The following SCFD1 variants were observed in gnomAD, a reference collection of about 807,000 sequenced individuals.
SCFD1 encodes the protein sec1 family domain-containing protein 1.
Under a neutral mutation model 103.2 loss-of-function variants are expected in SCFD1, and 37 were observed. That is an observed-to-expected ratio of 0.36 (90% confidence interval 0.28 to 0.47). SCFD1 has a LOEUF of 0.47. Among genes scored for constraint, SCFD1 ranks in the 20% least tolerant of loss-of-function variants. SCFD1 has a pLI of 1.00. For synonymous variants in SCFD1, 264 were observed against 245.0 expected (o/e 1.08, Z -0.73); for missense variants, 639 against 761.2 (o/e 0.84, Z 1.89).
chr14:30,629,970 G>C lies in SCFD1; in HGVS notation c.133-507G>C, dbSNP rs564081268. Among the ~76,000 whole-genome samples the C allele has an allele frequency of 1.2e-3, 184 of 152,016 alleles. 1 individual carries two copies. Among genetic ancestry groups the C allele is most frequent in the African/African-American group, 4.3e-3 (177 of 41,438 alleles). On this transcript the variant is annotated intron_variant, in intron 2 of 24. Transcript: ENST00000458591. ...TGGTCCTGGAACTTGTTATATATTA[G>C]TTTTGAAAATGGCTAATTTTTACAT...
At chr14:30,683,982 T>C (rs1452521812) in intron 14 of SCFD1, among the ~76,000 whole-genome samples, 1 of 152,182 alleles carries the variant, frequency 6.6e-6, no homozygotes, top group Non-Finnish European at 1.5e-5. Flanking sequence ...ATGGGAATTA[T>C]CGCTAGCAGC....
intron 14 of SCFD1, among the ~76,000 whole-genome samples, chr14:30,681,613 A>T (rs141202889): frequency 0.014 from 2,173 of 151,294 alleles, 71 homozygotes; most frequent in Middle Eastern, 0.062. Flanking sequence ...CTCAATAGTT[A>T]TAATGTTAAT....
intron 9 of SCFD1, among the ~76,000 whole-genome samples, chr14:30,651,786 G>A (rs1886415093): frequency 6.6e-6 from 1 of 152,062 alleles, no homozygotes; most frequent in African/African-American, 2.4e-5. Flanking sequence ...CAACCTTGCT[G>A]GACTATTGTT....
At chr14:30,722,379 A>C in intron 22 of SCFD1, 115 bp from the exon 23 acceptor site, 1 of 639,012 alleles carries the variant, frequency 1.6e-6, no homozygotes, top group Admixed American at 3.2e-5. Context: ...TAATAATTAA[A>C]ATAGCATCAG....
chr14:30,683,084 T>A, intron 14 of SCFD1: 1 of 1,348,420 alleles, frequency 7.4e-7, no homozygotes, highest in Admixed American at 1.7e-5. Flanking sequence ...AGTAGGTTTC[T>A]TGCAGATACT....
chr14:30,656,066 G>A (rs1886869432), intron 10 of SCFD1, among the ~76,000 whole-genome samples: 1 of 151,674 alleles, frequency 6.6e-6, no homozygotes, highest in East Asian at 1.9e-4. Flanking sequence ...AGTGAACTGT[G>A]ATCACATCAC....
chr14:30,639,901 C>A, intron 6 of SCFD1, 37 bp downstream of exon 6: 3 of 1,552,816 alleles, frequency 1.9e-6, no homozygotes, highest in South Asian at 2.4e-5. Context: ...TCTTTGTTAA[C>A]AAAATGAATG....
intron 1 of SCFD1, among the ~76,000 whole-genome samples, chr14:30,627,050 C>CA (rs1230177506): frequency 6.6e-6 from 1 of 152,030 alleles, no homozygotes; most frequent in Non-Finnish European, 1.5e-5. Flanking sequence ...AACAATCAAC[C>CA]AAGTGGATTT....
chr14:30,734,570 T>C, intron 23 of SCFD1: 1 of 507,348 alleles, frequency 2.0e-6, no homozygotes, highest in Non-Finnish European at 3.6e-6. Context: ...TAGTATGCCA[T>C]AGTATATATT....
chr14:30,678,404 A>G (rs1889216173), intron 14 of SCFD1, among the ~76,000 whole-genome samples: 2 of 152,144 alleles, frequency 1.3e-5, no homozygotes, highest in Non-Finnish European at 1.5e-5. Flanking sequence ...TATTCTGAGG[A>G]TTTTAGTGAT....
At chr14:30,667,131 A>C (rs1019657363) in intron 10 of SCFD1, among the ~76,000 whole-genome samples, 1 of 152,236 alleles carries the variant, frequency 6.6e-6, no homozygotes, top group African/African-American at 2.4e-5. Flanking sequence ...AATATCCCTG[A>C]TGAACATCAA....
chr14:30,643,854 T>G (rs966704957), intron 7 of SCFD1: 1 of 432,052 alleles, frequency 2.3e-6, no homozygotes, highest in African/African-American at 2.1e-5. Context: ...TTTTTAATTT[T>G]TTTTTATTTT....
chr14:30,690,950 C>A (rs1890253287), intron 14 of SCFD1, among the ~76,000 whole-genome samples: 1 of 152,112 alleles, frequency 6.6e-6, no homozygotes, highest in South Asian at 2.1e-4. Flanking sequence ...TCTTATTACC[C>A]AAACTGTATT....
intron 23 of SCFD1, among the ~76,000 whole-genome samples, chr14:30,728,184 C>T (rs1003125189): frequency 2.0e-5 from 3 of 152,148 alleles, no homozygotes; most frequent in African/African-American, 7.2e-5. Flanking sequence ...AGTGTTGAGT[C>T]CCCCTTTAAT....
At chr14:30,636,603 C>G (rs1161292648) in intron 4 of SCFD1, among the ~76,000 whole-genome samples, 1 of 152,034 alleles carries the variant, frequency 6.6e-6, no homozygotes, top group Non-Finnish European at 1.5e-5. Flanking sequence ...TTCCTTATGC[C>G]TGTACCACAC....
rs188623771 is a variant in SCFD1 at position 30,720,575 on chromosome 14, A to G, written c.1736+1198A>G. Among the ~76,000 whole-genome samples the G allele has an allele frequency of 9.9e-5, 15 of 152,186 alleles. No individual in the cohort carries two copies. In the East Asian group the frequency reaches 2.9e-3, roughly 29 times the overall value. ...CGAAAATATTTGGGGGGAAAAACGGATGGTTGAATCTATACAGAGCATGTA... is the reference window on the plus strand; with the variant it reads ...CGAAAATATTTGGGGGGAAAAACGGGTGGTTGAATCTATACAGAGCATGTA... On this transcript the variant is annotated intron_variant, in intron 21 of 24. Transcript: ENST00000458591.
chr14:30,628,497 G>A (rs1355864462), intron 2 of SCFD1, among the ~76,000 whole-genome samples: 1 of 152,228 alleles, frequency 6.6e-6, no homozygotes, highest in African/African-American at 2.4e-5. Context: ...AGGGAGTCCA[G>A]TTGATCTCTT....
chr14:30,711,976 T>C (rs1379615342), intron 19 of SCFD1, among the ~76,000 whole-genome samples: 1 of 152,084 alleles, frequency 6.6e-6, no homozygotes, highest in African/African-American at 2.4e-5. Flanking sequence ...CATAATCTCA[T>C]TTTCTTTATT....
chr14:30,700,092 T>A (rs368751261), intron 15 of SCFD1, 96 bp from the exon 16 acceptor site: 10 of 836,700 alleles, frequency 1.2e-5, no homozygotes, highest in African/African-American at 6.8e-5. Context: ...TTTGTCACAT[T>A]TATATATGCC....
Sources: gnomAD v4.1 joint callset for allele counts (sites outside exome capture counted in the v4.1 genomes callset) on GRCh38, gnomAD v4.1.1 for gene constraint, MANE v1.5 for transcripts, NCBI Gene and HGNC (gene_info 2026-07-23, HGNC 2026-07-21) for gene names.